Variants in CPNE2 observed in about 807,000 individuals in gnomAD.
CPNE2 encodes the protein copine-2.
In CPNE2, 42 loss-of-function variants were observed where a neutral mutation model predicts 69.7. The ratio of observed to expected loss-of-function variants is 0.60; its 90% CI spans 0.47 to 0.78. The LOEUF is 0.78. Ranked by LOEUF, CPNE2 falls within the 30% of genes least tolerant of loss-of-function variation. The pLI is 0.00. For missense variants in CPNE2, 587 were observed against 732.0 expected (o/e 0.80, Z 2.29); for synonymous variants, 294 against 289.8 (o/e 1.01, Z -0.15).
intron 3 of CPNE2, 47 bp from the exon 4 acceptor site, chr16:57,115,429 G>C: frequency 6.8e-7 from 1 of 1,474,418 alleles, no homozygotes; most frequent in Non-Finnish European, 9.4e-7. Flanking sequence ...TCCTTCCCGG[G>C]CTTCCCCCGC....
At position 57,146,110 on chromosome 16, in the gene CPNE2, C is replaced by T. The variant is rs1427351055; in HGVS notation, c.1328C>T (p.Thr443Met). ...ATQYFILLII[T>M]DGVISDMEET... ...CAGTACTTCATCCTCCTCATCATCA[C>T]GGACGGGGTCATCAGTGACATGGAG... Residue 443 changes from threonine to methionine, a missense_variant, in exon 15 of 16, where the codon ACG becomes ATG. Physicochemically the swap from Thr to Met is moderately conservative, Grantham distance 81. This residue lies in a region of CPNE2 where 185 missense variants were observed against 252.3 expected (regional missense o/e 0.73). Transcript: ENST00000290776. This position sits in a 1 kb window ranked among gnomAD's most constrained non-coding sequence, Gnocchi z 4.4. The T allele has an allele frequency of 3.1e-6, 5 of 1,602,852 alleles. No individual in the cohort carries two copies. The highest frequency in any genetic ancestry group is 4.3e-6 in the Non-Finnish European group (5 of 1,174,260).
At chr16:57,117,763 T>A (rs2069730662) in intron 5 of CPNE2, among the ~76,000 whole-genome samples, 196 bp downstream of exon 5, 2 of 152,070 alleles carry the variant, frequency 1.3e-5, no homozygotes, top group Non-Finnish European at 2.9e-5. Flanking sequence ...CCCTTAGGGG[T>A]ATTCAAAACA....
intron 11 of CPNE2, among the ~76,000 whole-genome samples, chr16:57,126,344 C>A (rs1159750754): frequency 6.6e-6 from 1 of 151,016 alleles, no homozygotes; most frequent in Non-Finnish European, 1.5e-5. Context: ...AAATTTGTTC[C>A]AGGTCCCGCA....
intron 7 of CPNE2, among the ~76,000 whole-genome samples, chr16:57,120,635 A>C (rs1545614): frequency 0.79 from 120,698 of 151,954 alleles, 48,829 homozygotes; most frequent in African/African-American, 0.95. Context: ...GGGCAGGTAC[A>C]TCTCTTTCAG....
intron 12 of CPNE2, among the ~76,000 whole-genome samples, chr16:57,131,480 C>T (rs961771798): frequency 1.3e-5 from 2 of 152,332 alleles, no homozygotes; most frequent in South Asian, 2.1e-4. Flanking sequence ...GGGGGCAGGG[C>T]GAGCTGGTGC....
intron 11 of CPNE2, among the ~76,000 whole-genome samples, chr16:57,126,614 G>C (rs1332681648): frequency 1.3e-5 from 2 of 152,184 alleles, no homozygotes; most frequent in Non-Finnish European, 2.9e-5. Context: ...GGGAGCTCCA[G>C]GTCAGAGGAT....
chr16:57,121,012 G>C, intron 7 of CPNE2, 81 bp from the exon 8 acceptor site: 1 of 996,998 alleles, frequency 1.0e-6, no homozygotes, highest in Admixed American at 2.2e-5. Context: ...GAAGACAGAG[G>C]GTTTGCTTGG....
chr16:57,109,286 G>A (rs1460555516), intron 1 of CPNE2, among the ~76,000 whole-genome samples: 2 of 152,118 alleles, frequency 1.3e-5, no homozygotes, highest in African/African-American at 4.8e-5. Flanking sequence ...GACCAGCCTG[G>A]TCAATGTGGT....
chr16:57,103,559 C>G (rs2069629120), intron 1 of CPNE2, among the ~76,000 whole-genome samples: 1 of 152,246 alleles, frequency 6.6e-6, no homozygotes, highest in Non-Finnish European at 1.5e-5. Flanking sequence ...TGGGGGCTGC[C>G]TCCCTGGCCA....
chr16:57,121,567 A>G (rs959417009), intron 8 of CPNE2, 107 bp from the exon 9 acceptor site: 7 of 1,100,980 alleles, frequency 6.4e-6, no homozygotes, highest in South Asian at 4.2e-5. Flanking sequence ...TGGAGGAAGC[A>G]TGCTGCCCCC....
chr16:57,146,374 A>T lies in CPNE2; in HGVS notation c.1539+53A>T. The stretch of plus-strand genomic sequence containing the variant: ...GCGGTTACAGGATCCCAGCCACCAT[A>T]GCTCATAATCAAGCTTGAGAGTCTT... On this transcript the variant is annotated intron_variant, in intron 15 of 15. Coordinates refer to ENST00000290776, the MANE Select transcript of CPNE2 (RefSeq NM_152727.6). The surrounding 1 kb of genome is among the most constrained non-coding windows in gnomAD (Gnocchi z 4.4). 7.1e-7 allele frequency: 1 copy of T among 1,417,094 alleles called. No homozygotes were observed. The highest frequency in any genetic ancestry group is 9.6e-7 in the Non-Finnish European group (1 of 1,039,954). The allele number at this position is 1,417,094 out of a possible 1,614,324, so 87.8% of individuals were successfully genotyped here.
At chr16:57,096,482 A>G (rs1215043914) in intron 1 of CPNE2, among the ~76,000 whole-genome samples, 1 of 152,168 alleles carries the variant, frequency 6.6e-6, no homozygotes, top group Non-Finnish European at 1.5e-5. Flanking sequence ...ACTTGAGCCC[A>G]GGAGTTCAAG....
At position 57,119,666 on chromosome 16, in the gene CPNE2, G is replaced by A. The variant is rs2069747161; in HGVS notation, c.681+16G>A. 1.9e-6 allele frequency: 3 copies of A among 1,579,656 alleles called. No homozygotes were observed. The Admixed American group carries it at 5.4e-5, about 29-fold the overall frequency. ...GCCCATCCAGGTGAGGGGGCTCTGG[G>A]GACCCTGCTCCCCACCTTGCCAGCT... On this transcript the variant is annotated intron_variant, in intron 7 of 15. Transcript: ENST00000290776.
Position 57,146,517 on chromosome 16 carries a change from T to TG in CPNE2, c.1539+197dup, listed in dbSNP as rs1237963841. 10 of 585,226 alleles carry TG rather than the reference T, an allele frequency of 1.7e-5. No homozygotes were observed. The highest frequency in any genetic ancestry group is 3.1e-5 in the Admixed American group (1 of 32,220). The allele number at this position is 585,226 out of a possible 1,614,324, so 36.3% of individuals were successfully genotyped here. On this transcript the variant is annotated intron_variant, in intron 15 of 15. Transcript: ENST00000290776. This position sits in a 1 kb window ranked among gnomAD's most constrained non-coding sequence, Gnocchi z 4.4. ...CCCGGTGGTGGCCATTGTGATAGTG[T>TG]GAGCACTTGCTTCCACAAACTGATG...
intron 14 of CPNE2, chr16:57,141,802 G>T (rs2069924442): frequency 1.3e-5 from 2 of 152,220 alleles, no homozygotes; most frequent in South Asian, 4.1e-4. Flanking sequence ...ATAGTGCCTG[G>T]CACACATAAA....
Position 57,148,308 on chromosome 16 carries a change from ACT to A in CPNE2, c.*651_*652del, listed in dbSNP as rs2069974802. ...CCAGTTAACAGTGATAACCTGTTAA[ACT>A]GGCACAGAACCTGGCACATTGTACA... On this transcript the variant is annotated 3_prime_UTR_variant, in exon 16 of 16. Transcript: ENST00000290776. The A allele has an allele frequency of 6.6e-6, 1 of 152,270 alleles. No individual in the cohort carries two copies. The allele number at this position is 152,270 out of a possible 1,614,324, so 9.4% of individuals were successfully genotyped here.
At chr16:57,135,260 G>A (rs1567326839) in intron 13 of CPNE2, among the ~76,000 whole-genome samples, 1 of 146,950 alleles carries the variant, frequency 6.8e-6, no homozygotes, top group Non-Finnish European at 1.5e-5. Context: ...GCCCTGCTCT[G>A]GGAGTACTTG....
intron 1 of CPNE2, among the ~76,000 whole-genome samples, chr16:57,096,075 G>A (rs917126923): frequency 6.6e-6 from 1 of 152,236 alleles, no homozygotes; most frequent in South Asian, 2.1e-4. Flanking sequence ...TGTGAGGAAT[G>A]ACTGCACCTG....
chr16:57,102,015 C>T (rs1597489729), intron 1 of CPNE2, among the ~76,000 whole-genome samples: 2 of 151,352 alleles, frequency 1.3e-5, no homozygotes, highest in South Asian at 2.1e-4. Context: ...GGCATGATCA[C>T]GGCTCACTGC....
Sources: gnomAD v4.1 joint callset for allele counts (sites outside exome capture counted in the v4.1 genomes callset) on GRCh38, gnomAD v4.1.1 for gene constraint, gnomAD v4.1.1 regional missense constraint, Gnocchi (gnomAD v3.1) non-coding constraint, MANE v1.5 for transcripts, NCBI Gene and HGNC (gene_info 2026-07-23, HGNC 2026-07-21) for gene names.